FSIP1: variants seen among roughly 807,000 people sequenced by gnomAD.
FSIP1 encodes fibrous sheath-interacting protein 1.
FSIP1 carries 65 observed loss-of-function variants against 60.9 expected under a neutral mutation model. That is an observed-to-expected ratio of 1.07 (90% CI 0.87 to 1.31). FSIP1 has a LOEUF of 1.31. Among genes scored for constraint, FSIP1 ranks in the 40% most tolerant of loss-of-function variants. FSIP1 has a pLI of 0.00. For missense variants in FSIP1, 675 were observed against 665.5 expected (o/e 1.01, Z -0.16); for synonymous variants, 209 against 221.2 (o/e 0.94, Z 0.49).
chr15:39,742,562 A>C (rs1018798351), intron 5 of FSIP1, among the ~76,000 whole-genome samples: 2 of 152,184 alleles, frequency 1.3e-5, no homozygotes, highest in African/African-American at 4.8e-5. Context: ...TCTGTACCCT[A>C]ATGTGAGGGA....
chr15:39,636,000 A>T (rs1251742433), intron 10 of FSIP1, among the ~76,000 whole-genome samples: 2 of 152,018 alleles, frequency 1.3e-5, no homozygotes, highest in Non-Finnish European at 2.9e-5. Context: ...AGAGCATCTC[A>T]TCAGGACCCT....
intron 10 of FSIP1, among the ~76,000 whole-genome samples, chr15:39,711,304 A>G (rs1352301092): frequency 6.7e-6 from 1 of 148,976 alleles, no homozygotes; most frequent in African/African-American, 2.5e-5. Flanking sequence ...AAAGGGGCAA[A>G]TGAGTCCCCT....
intron 10 of FSIP1, among the ~76,000 whole-genome samples, chr15:39,682,897 T>C (rs1200502599): frequency 2.6e-5 from 4 of 152,212 alleles, no homozygotes; most frequent in Admixed American, 6.5e-5. Flanking sequence ...ATACGATTAT[T>C]CCCAAACTCT....
chr15:39,758,794 A>G (rs943000761), intron 5 of FSIP1, among the ~76,000 whole-genome samples: 2 of 152,172 alleles, frequency 1.3e-5, no homozygotes, highest in African/African-American at 4.8e-5. Flanking sequence ...AAAATATATT[A>G]CAAAGACACA....
intron 9 of FSIP1, among the ~76,000 whole-genome samples, chr15:39,715,159 G>T (rs1357929601): frequency 6.6e-6 from 1 of 151,846 alleles, no homozygotes; most frequent in Non-Finnish European, 1.5e-5. Context: ...CATGCTTTAG[G>T]CCCTGCCAAT....
chr15:39,635,023 G>A (rs1473278686), intron 10 of FSIP1, among the ~76,000 whole-genome samples: 1 of 149,692 alleles, frequency 6.7e-6, no homozygotes, highest in Non-Finnish European at 1.5e-5. Flanking sequence ...TTTATTCTCT[G>A]CTTATGTGCC....
At chr15:39,647,854 G>T (rs1419932211) in intron 10 of FSIP1, among the ~76,000 whole-genome samples, 1 of 151,992 alleles carries the variant, frequency 6.6e-6, no homozygotes, top group Non-Finnish European at 1.5e-5. Context: ...GTTATATTGG[G>T]AAAAATACTG....
At chr15:39,612,308 A>T (rs1891064907) in intron 11 of FSIP1, among the ~76,000 whole-genome samples, 1 of 152,214 alleles carries the variant, frequency 6.6e-6, no homozygotes, top group African/African-American at 2.4e-5. Flanking sequence ...ATCTTTTCTG[A>T]TCACAGTGGC....
chr15:39,620,696 A>C (rs1413887697), intron 10 of FSIP1, among the ~76,000 whole-genome samples: 2 of 150,710 alleles, frequency 1.3e-5, no homozygotes, highest in East Asian at 3.9e-4. Flanking sequence ...GGTTCAAGCG[A>C]GTCTCGTGTC....
At chr15:39,660,354 G>A (rs1356499496) in intron 10 of FSIP1, among the ~76,000 whole-genome samples, 1 of 152,152 alleles carries the variant, frequency 6.6e-6, no homozygotes, top group Non-Finnish European at 1.5e-5. Flanking sequence ...TAGCCCACAC[G>A]ACATTCAAAT....
chr15:39,634,973 T>C (rs990703721), intron 10 of FSIP1, among the ~76,000 whole-genome samples: 2 of 148,984 alleles, frequency 1.3e-5, no homozygotes, highest in African/African-American at 4.8e-5. Context: ...AGCAAGGCAA[T>C]GAAGTTATTC....
intron 11 of FSIP1, among the ~76,000 whole-genome samples, chr15:39,609,939 C>T (rs538854830): frequency 3.7e-4 from 56 of 152,318 alleles, no homozygotes; most frequent in African/African-American, 1.3e-3. Context: ...GGGGTTGTTA[C>T]CAGCTGGCCT....
At chr15:39,756,197 G>A (rs1254463038) in intron 5 of FSIP1, among the ~76,000 whole-genome samples, 1 of 152,084 alleles carries the variant, frequency 6.6e-6, no homozygotes, top group Non-Finnish European at 1.5e-5. Context: ...TTTGTGTTTA[G>A]CACCTATAAA....
intron 10 of FSIP1, among the ~76,000 whole-genome samples, chr15:39,636,484 CCTA>C (rs1463306453): frequency 1.9e-4 from 29 of 152,290 alleles, no homozygotes; most frequent in Middle Eastern, 3.4e-3. Context: ...GGAGAACTGA[CCTA>C]CCTTTGTAAT....
chr15:39,665,225 G>A (rs995611402), intron 10 of FSIP1, among the ~76,000 whole-genome samples: 6 of 152,004 alleles, frequency 3.9e-5, no homozygotes, highest in Non-Finnish European at 7.4e-5. Context: ...TCCTAACTCC[G>A]ATTCTCATTC....
At chr15:39,774,605 C>T (rs901671936) in intron 2 of FSIP1, among the ~76,000 whole-genome samples, 1 of 152,066 alleles carries the variant, frequency 6.6e-6, no homozygotes, top group Non-Finnish European at 1.5e-5. Flanking sequence ...GTTAACACAC[C>T]ATATAGTAAT....
Position 39,781,329 on chromosome 15 carries a change from T to A in FSIP1, c.-8+1299A>T, listed in dbSNP as rs116273762. 4.3e-3 allele frequency among the ~76,000 whole-genome samples: 654 copies of A among 152,352 alleles called. 6 individuals are homozygous for A. Among genetic ancestry groups the A allele is most frequent in the African/African-American group, 0.015 (623 of 41,576 alleles). On this transcript the variant is annotated intron_variant, in intron 1 of 11. Coordinates refer to ENST00000350221, the MANE Select transcript of FSIP1 (RefSeq NM_152597.5). ...TTAGAAAACTGACAATACCAAGTGC[T>A]GACAAAGTTGGAGAGCAACTGTAAC...
intron 11 of FSIP1, among the ~76,000 whole-genome samples, chr15:39,609,694 C>T (rs960888185): frequency 6.6e-6 from 1 of 152,208 alleles, no homozygotes; most frequent in African/African-American, 2.4e-5. Flanking sequence ...AGCACACAGA[C>T]CTGCCCAGCT....
At chr15:39,661,512 T>C (rs1893295596) in intron 10 of FSIP1, among the ~76,000 whole-genome samples, 1 of 152,244 alleles carries the variant, frequency 6.6e-6, no homozygotes, top group Non-Finnish European at 1.5e-5. Flanking sequence ...ATATGAATTA[T>C]ATGAAAATTA....
Sources: gnomAD v4.1 joint callset for allele counts (sites outside exome capture counted in the v4.1 genomes callset) on GRCh38, gnomAD v4.1.1 for gene constraint, MANE v1.5 for transcripts, NCBI Gene and HGNC (gene_info 2026-07-23, HGNC 2026-07-21) for gene names.